PBRM1: variants seen among roughly 807,000 people sequenced by gnomAD.
PBRM1 encodes the protein polybromo 1.
In PBRM1, 27 loss-of-function variants were observed where a neutral mutation model predicts 194.5. The observed-to-expected ratio is 0.14, with a 90% CI of 0.10 to 0.19. The LOEUF is 0.19. Ranked by LOEUF, PBRM1 falls within the 10% of genes least tolerant of loss-of-function variation. The probability of loss-of-function intolerance (pLI) is 1.00; values close to 1 mark genes in which losing one functional copy is unlikely to be tolerated. For synonymous variants in PBRM1, 655 were observed against 693.2 expected, an observed-to-expected ratio of 0.94 and a Z score of 0.87; for missense variants, 1,466 against 2,077.2, an observed-to-expected ratio of 0.71 and a Z score of 5.72.
intron 20 of PBRM1, chr3:52,585,348 CTCTTTGGGG>C (rs1303005612): frequency 6.6e-6 from 1 of 152,102 alleles, no homozygotes; most frequent in Non-Finnish European, 1.5e-5. Flanking sequence ...GACCTCAGTA[CTCTTTGGGG>C]TCAGTTCTAT....
At chr3:52,553,062 C>T (rs1331599833) in intron 27 of PBRM1, among the ~76,000 whole-genome samples, 1 of 152,202 alleles carries the variant, frequency 6.6e-6, no homozygotes, top group African/African-American at 2.4e-5. Flanking sequence ...TGGGTGCACC[C>T]TCCAAAGCAT....
chr3:52,553,989 G>A (rs2081652632), intron 27 of PBRM1, among the ~76,000 whole-genome samples: 1 of 151,950 alleles, frequency 6.6e-6, no homozygotes, highest in African/African-American at 2.4e-5. Flanking sequence ...TTATAGAGAT[G>A]GGGTCTCACC....
upstream of PBRM1, among the ~76,000 whole-genome samples, chr3:52,684,563 T>C (rs1423708298): frequency 1.3e-5 from 2 of 152,242 alleles, no homozygotes; most frequent in Non-Finnish European, 2.9e-5. Flanking sequence ...ATTCGGTTTT[T>C]GGTATTTATG....
At chr3:52,598,662 T>A (rs1047963622) in intron 17 of PBRM1, among the ~76,000 whole-genome samples, 7 of 152,090 alleles carry the variant, frequency 4.6e-5, no homozygotes, top group African/African-American at 1.7e-4. Context: ...GGAGGGGGGA[T>A]CCCTTGAGCC....
chr3:52,614,798 T>C (rs565728799), intron 15 of PBRM1, among the ~76,000 whole-genome samples: 1 of 152,260 alleles, frequency 6.6e-6, no homozygotes, highest in East Asian at 1.9e-4. Flanking sequence ...CCTGAACTCC[T>C]GACCTCAAGT....
At chr3:52,587,217 A>G (rs2092516695) in intron 19 of PBRM1, 136 bp downstream of exon 21, 4 of 652,964 alleles carry the variant, frequency 6.1e-6, no homozygotes, top group Non-Finnish European at 7.7e-6. Context: ...AAATCTTTTC[A>G]TATAGCTATA....
chr3:52,672,639 T>A, intron 2 of PBRM1, among the ~76,000 whole-genome samples: 1 of 151,128 alleles, frequency 6.6e-6, no homozygotes, highest in African/African-American at 2.4e-5. Context: ...AGATTATAGG[T>A]GCACACCACC....
At chr3:52,590,518 G>A (rs1453921868) in intron 17 of PBRM1, among the ~76,000 whole-genome samples, 1 of 151,736 alleles carries the variant, frequency 6.6e-6, no homozygotes, top group East Asian at 1.9e-4. Flanking sequence ...GGTTTTTATT[G>A]AGGATAAAGC....
chr3:52,564,784 G>C (rs752978510), intron 22 of PBRM1, among the ~76,000 whole-genome samples: 3 of 152,096 alleles, frequency 2.0e-5, no homozygotes, highest in Non-Finnish European at 4.4e-5. Flanking sequence ...TTTTGATAAG[G>C]GTTCCAAGAC....
chr3:52,546,772 G>C (rs2079735285), downstream of PBRM1: 1 of 233,040 alleles, frequency 4.3e-6, no homozygotes. Flanking sequence ...AAGAAAGACA[G>C]GGTCACCAAA....
chr3:52,558,487 G>C (rs2082687077), intron 25 of PBRM1, 74 bp from the exon 28 acceptor site: 2 of 1,289,966 alleles, frequency 1.6e-6, no homozygotes, highest in South Asian at 1.5e-5. Flanking sequence ...GCATTCAACA[G>C]GACTAGTAAA....
chr3:52,596,423 T>C (rs1171760099), intron 17 of PBRM1, among the ~76,000 whole-genome samples: 2 of 97,326 alleles, frequency 2.1e-5, no homozygotes, highest in Admixed American at 3.3e-4. Flanking sequence ...GGCGACAGAG[T>C]GAGACTCCGT....
Position 52,644,613 on chromosome 3 carries a change from G to A in PBRM1, c.899+91C>T. On this transcript the variant is annotated intron_variant, in intron 8 of 29. Coordinates refer to ENST00000296302, the Ensembl canonical transcript of PBRM1. ...TTGGCCAGGATGGTCTCGATCTCTT[G>A]ACCTCGTGATCCGCCCACCTCAGCC... The A allele has an allele frequency of 5.5e-6, 3 of 548,810 alleles. No individual in the cohort carries two copies. In the South Asian group the frequency reaches 6.4e-5, roughly 12 times the overall value. The allele number at this position is 548,810 out of a possible 1,614,324, so 34.0% of individuals were successfully genotyped here.
At chr3:52,546,637 C>T (rs115339799), downstream of PBRM1, 930 of 232,004 alleles carry the variant, frequency 4.0e-3, 8 homozygotes, top group African/African-American at 0.019. Context: ...GCAGTGGAAG[C>T]TCTACCACAA....
rs1187360854 is a variant in PBRM1 at position 52,676,128 on chromosome 3, A to T, written c.236+2372T>A. ...AGACTCCGTCTCAAAAAAAAAAAAA[A>T]AAAAAAAAAAAAAAAAAAAAAAAAT... On this transcript the variant is annotated intron_variant, in intron 2 of 29. Coordinates refer to ENST00000296302, the Ensembl canonical transcript of PBRM1. Among the ~76,000 whole-genome samples, 79 of 127,018 alleles carry T rather than the reference A, an allele frequency of 6.2e-4. 24 individuals carry two copies. Among genetic ancestry groups the T allele is most frequent in the Non-Finnish European group, 6.1e-4 (35 of 57,010 alleles). 83.3% of individuals were successfully genotyped at this position (127,018 alleles called of 152,430 possible). A position where few individuals can be genotyped will look rare whatever the true frequency, so the allele number is the denominator to read the frequency against.
At chr3:52,663,472 C>T (rs1034644462) in intron 3 of PBRM1, among the ~76,000 whole-genome samples, 2 of 152,128 alleles carry the variant, frequency 1.3e-5, no homozygotes, top group Non-Finnish European at 1.5e-5. Flanking sequence ...AACTCTTCAT[C>T]GTAAAGTTAG....
chr3:52,607,059 A>G (rs1376737031), intron 16 of PBRM1, among the ~76,000 whole-genome samples: 3 of 152,176 alleles, frequency 2.0e-5, no homozygotes, highest in African/African-American at 7.2e-5. Flanking sequence ...CAACATGGAA[A>G]TCTACGGTAT....
intron 1 of PBRM1, chr3:52,685,415 G>A (rs985019763): frequency 6.6e-6 from 1 of 152,170 alleles, no homozygotes; most frequent in Non-Finnish European, 1.5e-5. Flanking sequence ...AGCAACGGAG[G>A]AAATGAAGGA....
chr3:52,599,701 G>A (rs949860558), intron 17 of PBRM1, among the ~76,000 whole-genome samples: 2 of 150,962 alleles, frequency 1.3e-5, no homozygotes, highest in East Asian at 1.9e-4. Context: ...GGTGATGGGC[G>A]CGCCTGTAAT....
Sources: allele counts gnomAD v4.1 joint callset (sites outside exome capture counted in the v4.1 genomes callset), GRCh38; gene constraint gnomAD v4.1.1; transcripts MANE v1.5; gene names NCBI Gene and HGNC (gene_info 2026-07-23, HGNC 2026-07-21).